The following RORA variants were observed in gnomAD, a reference collection of about 807,000 sequenced individuals.
RORA encodes the protein RAR related orphan receptor A, also known as nuclear receptor ROR-alpha.
In RORA, 7 loss-of-function variants were observed where a neutral mutation model predicts 69.5. That is an observed-to-expected ratio of 0.10 (90% confidence interval 0.06 to 0.19). The LOEUF (loss-of-function observed/expected upper bound fraction) is 0.19. RORA is among the 10% of genes least tolerant of loss of function. The probability of loss-of-function intolerance (pLI) is 1.00; values close to 1 mark genes in which losing one functional copy is unlikely to be tolerated. For missense variants in RORA, 457 were observed against 663.0 expected (o/e 0.69, Z 3.41); for synonymous variants, 261 against 240.8 (o/e 1.08, Z -0.78).
rs376077999 is a variant in RORA, at chr15:60,704,661, G to A, written c.167-25975C>T. Among the ~76,000 whole-genome samples the A allele has an allele frequency of 1.1e-4, 16 of 152,316 alleles. No individual in the cohort carries two copies. The South Asian group carries it at 2.9e-3, about 28-fold the overall frequency. Reference sequence around the variant, plus strand: ...TGACCAGGAATGCCATAGAAAGAACGTAGAGATAGAACTAAAGTTTAGGGT... The same window carrying A: ...TGACCAGGAATGCCATAGAAAGAACATAGAGATAGAACTAAAGTTTAGGGT... On this transcript the variant is annotated intron_variant, in intron 1 of 10. Coordinates refer to ENST00000335670, the MANE Select transcript of RORA (RefSeq NM_134261.3).
At position 60,490,108 on chromosome 15, in the gene RORA, C is replaced by G. The variant is rs1198409345; in HGVS notation, c.*7347G>C. On this transcript the variant is annotated 3_prime_UTR_variant, in exon 11 of 11. Coordinates refer to ENST00000335670, the MANE Select transcript of RORA (RefSeq NM_134261.3). This position sits in a 1 kb window ranked among gnomAD's most constrained non-coding sequence, Gnocchi z 4.1. ...GATATTATGTATTTAAAGAGAAAAGCATGTCCCAAATCCAGCACTCTGATA... is the reference window on the plus strand; with the variant it reads ...GATATTATGTATTTAAAGAGAAAAGGATGTCCCAAATCCAGCACTCTGATA... 2.0e-5 allele frequency: 3 copies of G among 151,322 alleles called. No homozygotes were observed. Among genetic ancestry groups the G allele is most frequent in the African/African-American group, 7.3e-5 (3 of 41,256 alleles). The allele number at this position is 151,322 out of a possible 1,614,324, so 9.4% of individuals were successfully genotyped here. A position where few individuals can be genotyped will look rare whatever the true frequency, so the allele number is the denominator to read the frequency against.
chr15:60,548,396 A>G (rs762940978), intron 2 of RORA, among the ~76,000 whole-genome samples: 7 of 152,084 alleles, frequency 4.6e-5, no homozygotes, highest in Admixed American at 1.3e-4. Context: ...ACTCCCTGGC[A>G]TTTCGGGCAC....
intron 1 of RORA, among the ~76,000 whole-genome samples, chr15:61,043,035 A>C (rs1373376491): frequency 6.6e-6 from 1 of 152,202 alleles, no homozygotes; most frequent in Non-Finnish European, 1.5e-5. Context: ...AGTGATGGAC[A>C]TGGCGATGAC....
chr15:60,519,788 C>A (rs1184077661), intron 3 of RORA, among the ~76,000 whole-genome samples: 3 of 130,004 alleles, frequency 2.3e-5, no homozygotes, highest in Non-Finnish European at 4.6e-5. Context: ...TATTCTGCCC[C>A]ATTTGCTTCA....
intron 1 of RORA, among the ~76,000 whole-genome samples, chr15:60,720,332 G>GA (rs1234639385): frequency 6.6e-6 from 1 of 152,184 alleles, no homozygotes; most frequent in East Asian, 1.9e-4. Flanking sequence ...GACGGCATGC[G>GA]AGAGTCCTAT....
intron 1 of RORA, among the ~76,000 whole-genome samples, chr15:60,932,359 A>T (rs1892397884): frequency 6.6e-6 from 1 of 152,182 alleles, no homozygotes; most frequent in African/African-American, 2.4e-5. Flanking sequence ...CTAAAGAGAA[A>T]CCATTAAAAA....
Position 60,542,583 on chromosome 15 carries a change from CCTCA to C in RORA, c.197-10736_197-10733del, listed in dbSNP as rs1327561127. On this transcript the variant is annotated intron_variant, in intron 2 of 10. Coordinates refer to ENST00000335670, the MANE Select transcript of RORA (RefSeq NM_134261.3). Reference sequence around the variant, plus strand: ...CTCACACACACGGCACGCATGCACACCTCACACACACGGCACGCATGCACACCTC... The same window carrying C: ...CTCACACACACGGCACGCATGCACACCACACACGGCACGCATGCACACCTC... Among the ~76,000 whole-genome samples, 562 of 144,810 alleles carry C rather than the reference CCTCA, an allele frequency of 3.9e-3. 7 individuals carry two copies. Among genetic ancestry groups the C allele is most frequent in the South Asian group, 5.4e-3 (25 of 4,622 alleles).
At chr15:60,883,148 AAAAG>A (rs61279359) in intron 1 of RORA, among the ~76,000 whole-genome samples, 1,180 of 38,654 alleles carry the variant, frequency 0.031, 36 homozygotes, top group East Asian at 0.074. Flanking sequence ...AAAAAAAAAA[AAAAG>A]AAAGAGAGAG....
chr15:61,085,894 T>C (rs2078617913), intron 1 of RORA, among the ~76,000 whole-genome samples: 1 of 152,178 alleles, frequency 6.6e-6, no homozygotes, highest in South Asian at 2.1e-4. Flanking sequence ...CCACTTGCAG[T>C]TATAAAACAG....
chr15:60,557,039 A>C, intron 2 of RORA: 1 of 836,642 alleles, frequency 1.2e-6, no homozygotes, highest in Non-Finnish European at 1.9e-6. Context: ...GTACCCAAAA[A>C]AGTACTGTTT....
intron 1 of RORA, among the ~76,000 whole-genome samples, chr15:60,717,609 T>C (rs1567167383): frequency 6.6e-6 from 1 of 152,142 alleles, no homozygotes; most frequent in Non-Finnish European, 1.5e-5. Context: ...TAAATTGGTA[T>C]ATTTGGCATT....
At position 61,197,420 on chromosome 15, in the gene RORA, C is replaced by T. The variant is rs574412720; in HGVS notation, c.166+31633G>A. Among the ~76,000 whole-genome samples the T allele has an allele frequency of 8.1e-4, 124 of 152,272 alleles. 2 individuals are homozygous for T. The highest frequency in any genetic ancestry group is 4.8e-3 in the Admixed American group (73 of 15,308). On this transcript the variant is annotated intron_variant, in intron 1 of 10. Coordinates refer to ENST00000335670, the MANE Select transcript of RORA (RefSeq NM_134261.3). ...CCGCGGCCTGAGTTCTAAGCACCGC[C>T]GGTCATGTGGCTCACGAGGAGCCCA...
At chr15:60,611,443 C>T (rs189672564) in intron 2 of RORA, among the ~76,000 whole-genome samples, 24 of 151,378 alleles carry the variant, frequency 1.6e-4, no homozygotes, top group South Asian at 4.2e-4. Flanking sequence ...TTATGTACTA[C>T]GAGTTTTCTA....
intron 1 of RORA, among the ~76,000 whole-genome samples, chr15:61,140,577 G>A (rs960048656): frequency 2.6e-5 from 4 of 152,124 alleles, no homozygotes; most frequent in Non-Finnish European, 5.9e-5. Flanking sequence ...CAGAAGTGAC[G>A]AGGAATGATC....
Position 60,534,730 on chromosome 15 carries a change from T to C in RORA, c.197-2879A>G, listed in dbSNP as rs2066627012. Among the ~76,000 whole-genome samples the C allele has an allele frequency of 6.6e-6, 1 of 152,148 alleles. No homozygotes were observed. Among genetic ancestry groups the C allele is most frequent in the African/African-American group, 2.4e-5 (1 of 41,420 alleles). ...TTGCAAATGCACTTTAGGAAATGACTAAAATCCTCCTACTCCAAAAGCAAA... is the reference window on the plus strand; with the variant it reads ...TTGCAAATGCACTTTAGGAAATGACCAAAATCCTCCTACTCCAAAAGCAAA... On this transcript the variant is annotated intron_variant, in intron 2 of 10. Transcript: ENST00000335670. This position sits in a 1 kb window ranked among gnomAD's most constrained non-coding sequence, Gnocchi z 5.0.
chr15:60,642,367 C>T (rs941512919), intron 2 of RORA, among the ~76,000 whole-genome samples: 5 of 152,112 alleles, frequency 3.3e-5, no homozygotes, highest in Admixed American at 1.3e-4. Context: ...AATTTGGAAC[C>T]GGTGAGTAGA....
rs533430236 is a variant in RORA at position 61,070,179 on chromosome 15, C to A, written c.166+158874G>T. ...AAGTCCTCGATTTGCAAGCATCCAA[C>A]TTGTGCATGACTCAAATACAAAAAT... On this transcript the variant is annotated intron_variant, in intron 1 of 10. Coordinates refer to ENST00000335670, the MANE Select transcript of RORA (RefSeq NM_134261.3). 2.0e-5 allele frequency among the ~76,000 whole-genome samples: 3 copies of A among 152,320 alleles called. No individual in the cohort carries two copies. In the East Asian group the frequency reaches 5.8e-4, roughly 29 times the overall value.
At chr15:61,045,396 G>C (rs934548674) in intron 1 of RORA, among the ~76,000 whole-genome samples, 3 of 152,144 alleles carry the variant, frequency 2.0e-5, no homozygotes, top group Admixed American at 2.0e-4. Flanking sequence ...CTCAGTCTCG[G>C]GAATACCTGG....
chr15:61,127,968 C>T lies in RORA; in HGVS notation c.166+101085G>A, dbSNP rs955324938. Among the ~76,000 whole-genome samples, 35 of 152,244 alleles carry T rather than the reference C, an allele frequency of 2.3e-4. 1 individual carries two copies. In the East Asian group the frequency reaches 6.6e-3, roughly 29 times the overall value. On this transcript the variant is annotated intron_variant, in intron 1 of 10. Transcript: ENST00000335670. ...CCACACTGTATGCATCAGCTTCTTACAGCTATAGGACAGGTGCTAATTAAT... is the reference window on the plus strand; with the variant it reads ...CCACACTGTATGCATCAGCTTCTTATAGCTATAGGACAGGTGCTAATTAAT...
Sources: gnomAD v4.1 joint callset for allele counts (sites outside exome capture counted in the v4.1 genomes callset) on GRCh38, gnomAD v4.1.1 for gene constraint, Gnocchi (gnomAD v3.1) non-coding constraint, MANE v1.5 for transcripts, NCBI Gene and HGNC (gene_info 2026-07-23, HGNC 2026-07-21) for gene names.